Variants in PYCR1 observed in about 807,000 individuals in gnomAD.
PYCR1 encodes pyrroline-5-carboxylate reductase 1.
Under a neutral mutation model 22.9 loss-of-function variants are expected in PYCR1, and 19 were observed. The ratio of observed to expected loss-of-function variants is 0.83; its 90% confidence interval spans 0.58 to 1.22. The LOEUF (loss-of-function observed/expected upper bound fraction) is 1.22, where lower values mean the gene tolerates loss of function less well. PYCR1 is among the 50% of genes most tolerant of loss of function. PYCR1 has a pLI of 0.00. For synonymous variants in PYCR1, 175 were observed against 180.5 expected (o/e 0.97, Z 0.24); for missense variants, 429 against 431.3 (o/e 0.99, Z 0.05).
chr17:81,935,315 C>A, intron 3 of PYCR1, 22 bp downstream of exon 3: 10 of 1,610,770 alleles, frequency 6.2e-6, no homozygotes, highest in Non-Finnish European at 8.5e-6. Context: ...CTCTCCACAC[C>A]CCACTGGGCC....
chr17:81,933,170 A>G lies in PYCR1; in HGVS notation c.*44T>C, dbSNP rs763246241. On this transcript the variant is annotated 3_prime_UTR_variant, in exon 7 of 7. Coordinates refer to ENST00000329875, the MANE Select transcript of PYCR1 (RefSeq NM_006907.4). ...GGACCCCCTAGTCCCCCTAGTGACA[A>G]GAGAAGAGAAGGTGGTGGCAGGATG... 1 of 1,610,232 alleles carries G rather than the reference A, an allele frequency of 6.2e-7. No individual in the cohort carries two copies. Among genetic ancestry groups the G allele is most frequent in the Non-Finnish European group, 8.5e-7 (1 of 1,178,254 alleles).
At position 81,937,010 on chromosome 17, in the gene PYCR1, C is replaced by G; in HGVS notation, c.-196G>C. On this transcript the variant is annotated 5_prime_UTR_variant, in exon 1 of 7. Transcript: ENST00000329875. ...CCGGCCCGTTAACTGCTTCGGGGCC[C>G]CCAGTCAGAGCGGCGGTGCCTGGCC... The G allele has an allele frequency of 6.8e-7, 1 of 1,463,494 alleles. No homozygotes were observed. 90.7% of individuals were successfully genotyped at this position (1,463,494 alleles called of 1,614,324 possible).
Position 81,936,793 on chromosome 17 carries a change from C to T in PYCR1, c.22G>A (p.Ala8Thr), listed in dbSNP as rs564658518. Residue 8 changes from alanine to threonine, a missense_variant, in exon 1 of 7, where the codon GCT becomes ACT. By Grantham distance (58) the Ala-to-Thr change is moderately conservative (BLOSUM62 0). Coordinates refer to ENST00000329875, the MANE Select transcript of PYCR1 (RefSeq NM_006907.4). The stretch of plus-strand genomic sequence containing the variant: ...GCCAGGGCAAAAGCCAGCTGGCCAG[C>T]GCCGATGAAGCCCACGCTCATGCTG... The part of the protein sequence containing the change: MSVGFIG[A>T]GQLAFALAKG... The T allele has an allele frequency of 4.3e-6, 7 of 1,610,452 alleles. No homozygotes were observed. The highest frequency in any genetic ancestry group is 1.7e-5 in the Admixed American group (1 of 59,656).
chr17:81,934,850 CA>C (rs1437988199), intron 4 of PYCR1, 75 bp downstream of exon 4: 1 of 1,569,348 alleles, frequency 6.4e-7, no homozygotes, highest in Non-Finnish European at 8.7e-7. Flanking sequence ...CTGGCCCTCC[CA>C]GGGGGAGCAG....
In PYCR1 at chr17:81,936,902, G is replaced by A. The variant is rs990230369; in HGVS notation, c.-88C>T. ...GGCAGGATCGAGAGCAAGTTAGGGG[G>A]GCAGTGCCAGCCTGGCCGCTCCTCC... On this transcript the variant is annotated 5_prime_UTR_variant, in exon 1 of 7. Coordinates refer to ENST00000329875, the MANE Select transcript of PYCR1 (RefSeq NM_006907.4). The A allele has an allele frequency of 1.3e-6, 2 of 1,550,670 alleles. No individual in the cohort carries two copies. The highest frequency in any genetic ancestry group is 8.7e-7 in the Non-Finnish European group (1 of 1,149,078).
Position 81,935,826 on chromosome 17 carries a change from C to A in PYCR1, c.138+297G>T, listed in dbSNP as rs570932549. Among the ~76,000 whole-genome samples the A allele has an allele frequency of 9.8e-5, 15 of 152,354 alleles. No homozygotes were observed. The East Asian group carries it at 2.1e-3, about 22-fold the overall frequency. ...TGGGAGTGGTGGTCTCAAGCAGCCCCCAGGTGTGTTCCTTGGCTGCCAGGC... is the reference window on the plus strand; with the variant it reads ...TGGGAGTGGTGGTCTCAAGCAGCCCACAGGTGTGTTCCTTGGCTGCCAGGC... On this transcript the variant is annotated intron_variant, in intron 2 of 6. Coordinates refer to ENST00000329875, the MANE Select transcript of PYCR1 (RefSeq NM_006907.4).
rs977149003 is a variant in PYCR1 at position 81,933,074 on chromosome 17, T to C, written c.*140A>G. The stretch of plus-strand genomic sequence containing the variant: ...CAGAGATTTCCAGTGGGAAGTGATG[T>C]GGCCCCTCCCTGGCTATGTCCCTGG... On this transcript the variant is annotated 3_prime_UTR_variant, in exon 7 of 7. Transcript: ENST00000329875. 138 of 1,584,176 alleles carry C rather than the reference T, an allele frequency of 8.7e-5. No homozygotes were observed. The highest frequency in any genetic ancestry group is 3.3e-4 in the Middle Eastern group (2 of 6,034).
In PYCR1 at chr17:81,932,512, G is replaced by A; in HGVS notation, c.*702C>T. The A allele has an allele frequency of 2.8e-6, 1 of 354,864 alleles. No homozygotes were observed. Among genetic ancestry groups the A allele is most frequent in the Non-Finnish European group, 5.5e-6 (1 of 183,304 alleles). The allele number at this position is 354,864 out of a possible 1,614,324, so 22.0% of individuals were successfully genotyped here. On this transcript the variant is annotated 3_prime_UTR_variant, in exon 7 of 7. Coordinates refer to ENST00000329875, the MANE Select transcript of PYCR1 (RefSeq NM_006907.4). The stretch of plus-strand genomic sequence containing the variant: ...CAGTAACCACCCTCCCACACAGGCA[G>A]GGCCTCCCTCCTCATGTGGCAGACA...
chr17:81,934,507 G>A lies in PYCR1; in HGVS notation c.634-18C>T, dbSNP rs979431575. ...GCAGCCCCCTGCAGCCAGAAGAAAG[G>A]CTGACGGCTGTGGGCACGCACCTGC... On this transcript the variant is annotated intron_variant, in intron 5 of 6. Transcript: ENST00000329875. 8.2e-6 allele frequency: 13 copies of A among 1,586,596 alleles called. No homozygotes were observed. Among genetic ancestry groups the A allele is most frequent in the Non-Finnish European group, 1.1e-5 (13 of 1,168,416 alleles).
At chr17:81,934,182 C>T (rs748367550) in intron 6 of PYCR1, 144 bp downstream of exon 6, 10 of 1,289,250 alleles carry the variant, frequency 7.8e-6, no homozygotes, top group Non-Finnish European at 1.1e-5. Flanking sequence ...ACCCAGGGAA[C>T]CTCGGGGCCC....
At position 81,932,478 on chromosome 17, in the gene PYCR1, T is replaced by C. The variant is rs2041013893; in HGVS notation, c.*736A>G. ...TCTAATCAGTTGAAGGCCTCCACTA[T>C]TCCACCCACAGTAACCACCCTCCCA... On this transcript the variant is annotated 3_prime_UTR_variant, in exon 7 of 7. Coordinates refer to ENST00000329875, the MANE Select transcript of PYCR1 (RefSeq NM_006907.4). The C allele has an allele frequency of 3.1e-6, 1 of 321,754 alleles. No homozygotes were observed. The highest frequency in any genetic ancestry group is 2.1e-5 in the African/African-American group (1 of 46,902). The allele number at this position is 321,754 out of a possible 1,614,324, so 19.9% of individuals were successfully genotyped here.
chr17:81,933,320 G>C lies in PYCR1; in HGVS notation c.854C>G (p.Thr285Ser). 1.2e-6 allele frequency: 2 copies of C among 1,614,040 alleles called. No homozygotes were observed. The highest frequency in any genetic ancestry group is 2.2e-5 in the South Asian group (2 of 91,088). The change falls in exon 7 of 7, where the codon ACC (threonine) becomes AGC (serine). Residue 285 changes from threonine (T) to serine (S), a missense_variant. Transcript: ENST00000329875. ...GTCCAGCTTCACCTTGTCCAGGATG[G>C]TCTTCTTGATGGCGGCTGGTGACAC... The part of the protein sequence containing the change: ...EQVSPAAIKK[T>S]ILDKVKLDSP...
chr17:81,936,289 A>C (rs1429715616), intron 1 of PYCR1, 96 bp from the exon 2 acceptor site: 1 of 1,222,406 alleles, frequency 8.2e-7, no homozygotes, highest in Non-Finnish European at 1.2e-6. Flanking sequence ...GCAGTGGCGC[A>C]ATCTCGGCTC....
Position 81,936,870 on chromosome 17 carries a change from C to T in PYCR1, c.-56G>A, listed in dbSNP as rs2041213057. On this transcript the variant is annotated 5_prime_UTR_variant, in exon 1 of 7. Coordinates refer to ENST00000329875, the MANE Select transcript of PYCR1 (RefSeq NM_006907.4). ...CACAGATGGCACCGGCTCTGCGGGA[C>T]GAGACCGGCAGGATCGAGAGCAAGT... 1.3e-6 allele frequency: 2 copies of T among 1,573,506 alleles called. No individual in the cohort carries two copies. The highest frequency in any genetic ancestry group is 1.3e-5 in the African/African-American group (1 of 74,348).
intron 2 of PYCR1, 134 bp from the exon 3 acceptor site, chr17:81,935,650 G>GACCA: frequency 1.2e-6 from 1 of 835,608 alleles, no homozygotes; most frequent in Non-Finnish European, 1.9e-6. Flanking sequence ...TCAGGGCTCT[G>GACCA]ACCACCCCCT....
chr17:81,934,163 C>T (rs1448393935), intron 6 of PYCR1, 163 bp downstream of exon 6: 15 of 1,013,772 alleles, frequency 1.5e-5, no homozygotes, highest in South Asian at 9.6e-5. Context: ...AGGGGCACTG[C>T]CCACAGTAAC....
chr17:81,934,120 A>G, intron 6 of PYCR1: 1 of 704,760 alleles, frequency 1.4e-6, no homozygotes, highest in Non-Finnish European at 2.5e-6. Flanking sequence ...CCCTCTATGG[A>G]TGTTCCCTCC....
In PYCR1 at chr17:81,934,688, G is replaced by C. The variant is rs778823558; in HGVS notation, c.598C>G (p.Arg200Gly). 3.2e-6 allele frequency: 5 copies of C among 1,573,200 alleles called. No homozygotes were observed. The highest frequency in any genetic ancestry group is 4.3e-6 in the Non-Finnish European group (5 of 1,160,120). ...DGGVKMGLPR[R>G]LAVRLGAQAL... ...TGGGCCCCGAGGCGGACTGCCAGGCGCCTTGGAAGTCCCATCTTCACACCC... is the reference window on the plus strand; with the variant it reads ...TGGGCCCCGAGGCGGACTGCCAGGCCCCTTGGAAGTCCCATCTTCACACCC... Residue 200 changes from arginine to glycine, a missense_variant, in exon 5 of 7, where the codon CGC (arginine) becomes GGC (glycine). By Grantham distance (125) the Arg-to-Gly change is moderately radical. Coordinates refer to ENST00000329875, the MANE Select transcript of PYCR1 (RefSeq NM_006907.4).
At chr17:81,933,436 G>A in intron 6 of PYCR1, 60 bp from the exon 7 acceptor site, 2 of 1,591,220 alleles carry the variant, frequency 1.3e-6, no homozygotes, top group Non-Finnish European at 1.7e-6. Flanking sequence ...AAGAGGGAGT[G>A]AAGCCCACAG....
Sources: gnomAD v4.1 joint callset for allele counts (sites outside exome capture counted in the v4.1 genomes callset) on GRCh38, gnomAD v4.1.1 for gene constraint, MANE v1.5 for transcripts, NCBI Gene and HGNC (gene_info 2026-07-23, HGNC 2026-07-21) for gene names.